The following CAMTA1 variants were observed in gnomAD, a reference collection of about 807,000 sequenced individuals.
CAMTA1 encodes the protein calmodulin-binding transcription activator 1.
A neutral mutation model predicts 170.9 loss-of-function variants in CAMTA1; 27 were observed. That is an observed-to-expected ratio of 0.16 (90% confidence interval 0.12 to 0.22). CAMTA1 has a LOEUF of 0.22. Ranked by LOEUF, CAMTA1 falls within the 10% of genes least tolerant of loss-of-function variation. CAMTA1 has a pLI of 1.00. For synonymous variants in CAMTA1, 833 were observed against 891.5 expected (o/e 0.93, Z 1.17); for missense variants, 1,619 against 2,217.2 (o/e 0.73, Z 5.42).
intron 10 of CAMTA1, among the ~76,000 whole-genome samples, chr1:7,676,111 G>A (rs1057354007): frequency 6.6e-6 from 1 of 152,234 alleles, no homozygotes; most frequent in African/African-American, 2.4e-5. Context: ...TCCGATGGGT[G>A]TAGGTGCTGG....
chr1:7,516,986 A>G (rs1202667168), intron 6 of CAMTA1, among the ~76,000 whole-genome samples: 4 of 152,168 alleles, frequency 2.6e-5, no homozygotes, highest in Admixed American at 6.5e-5. Flanking sequence ...GTGAAATCCC[A>G]CCTTCCAAAG....
chr1:7,495,184 G>T (rs893588585), intron 6 of CAMTA1, among the ~76,000 whole-genome samples: 4 of 152,162 alleles, frequency 2.6e-5, no homozygotes, highest in Non-Finnish European at 5.9e-5. Flanking sequence ...TCTCCAACCA[G>T]ACAGCAAGCC....
At chr1:7,037,615 G>A (rs533372035) in intron 3 of CAMTA1, among the ~76,000 whole-genome samples, 8 of 152,250 alleles carry the variant, frequency 5.3e-5, no homozygotes, top group African/African-American at 1.7e-4. Flanking sequence ...CGAGGCAGGC[G>A]GATCATGAGG....
intron 11 of CAMTA1, among the ~76,000 whole-genome samples, chr1:7,684,885 C>T (rs2149346104): frequency 6.6e-6 from 1 of 152,252 alleles, no homozygotes; most frequent in East Asian, 1.9e-4. Context: ...GCAAAACTGA[C>T]CCCCAGAAAA....
chr1:7,679,163 T>A (rs1458720038), intron 11 of CAMTA1, among the ~76,000 whole-genome samples: 1 of 152,122 alleles, frequency 6.6e-6, no homozygotes, highest in Non-Finnish European at 1.5e-5. Flanking sequence ...AAGGGCAGGG[T>A]GACCAGGGGC....
Position 7,582,369 on chromosome 1 carries a change from C to G in CAMTA1, c.511-58031C>G, listed in dbSNP as rs114222243. Among the ~76,000 whole-genome samples, 9 of 152,316 alleles carry G rather than the reference C, an allele frequency of 5.9e-5. No homozygotes were observed. In the East Asian group the frequency reaches 9.7e-4, roughly 16 times the overall value. On this transcript the variant is annotated intron_variant, in intron 6 of 22. Transcript: ENST00000303635. ...CCTCAGTGCCCTGATTCACCCACCC[C>G]CTACCCTGCATCCTTGGGTGTGTCC...
At chr1:6,933,133 G>C (rs531473636) in intron 3 of CAMTA1, among the ~76,000 whole-genome samples, 4 of 151,708 alleles carry the variant, frequency 2.6e-5, no homozygotes, top group Non-Finnish European at 4.4e-5. Context: ...TGCAGTAGCT[G>C]TTCACAGCCT....
At chr1:7,018,661 C>T (rs141663213) in intron 3 of CAMTA1, among the ~76,000 whole-genome samples, 43 of 152,290 alleles carry the variant, frequency 2.8e-4, no homozygotes, top group Non-Finnish European at 4.6e-4. Context: ...AAGGTGTTCT[C>T]GATAACCGGA....
intron 6 of CAMTA1, among the ~76,000 whole-genome samples, chr1:7,558,190 G>A (rs897104894): frequency 2.0e-5 from 3 of 152,192 alleles, no homozygotes; most frequent in African/African-American, 7.2e-5. Flanking sequence ...GTCCAGCTCC[G>A]CCTCGGGGCC....
intron 6 of CAMTA1, among the ~76,000 whole-genome samples, chr1:7,628,067 GGCT>G (rs1465289287): frequency 6.6e-6 from 1 of 152,170 alleles, no homozygotes; most frequent in Non-Finnish European, 1.5e-5. Flanking sequence ...GAGATTTGGG[GGCT>G]GGAGTTGCTG....
At chr1:7,714,710 C>T (rs1208386030) in intron 11 of CAMTA1, among the ~76,000 whole-genome samples, 3 of 152,042 alleles carry the variant, frequency 2.0e-5, no homozygotes, top group East Asian at 3.9e-4. Flanking sequence ...TTAGCAGAGA[C>T]GGAGTTTCAC....
chr1:7,584,985 T>C (rs1000943959), intron 6 of CAMTA1, among the ~76,000 whole-genome samples: 2 of 152,178 alleles, frequency 1.3e-5, no homozygotes, highest in African/African-American at 2.4e-5. Flanking sequence ...CAGAATATGG[T>C]ACATAGACCA....
chr1:7,661,928 C>A, intron 8 of CAMTA1, 62 bp downstream of exon 8: 1 of 1,533,188 alleles, frequency 6.5e-7, no homozygotes, highest in African/African-American at 1.4e-5. Flanking sequence ...ACCAGGCAGC[C>A]GTCATGGCTG....
At chr1:6,976,333 C>T (rs1380204533) in intron 3 of CAMTA1, among the ~76,000 whole-genome samples, 1 of 152,144 alleles carries the variant, frequency 6.6e-6, no homozygotes, top group Non-Finnish European at 1.5e-5. Context: ...ACGGATCTGG[C>T]ACTTCTGGCC....
chr1:7,747,486 T>C (rs1170566904), intron 18 of CAMTA1, among the ~76,000 whole-genome samples: 1 of 152,252 alleles, frequency 6.6e-6, no homozygotes, highest in Non-Finnish European at 1.5e-5. Context: ...AATATATTTT[T>C]AGTCTGCTTA....
chr1:7,546,721 T>C (rs1557892993), intron 6 of CAMTA1, among the ~76,000 whole-genome samples: 1 of 152,218 alleles, frequency 6.6e-6, no homozygotes, highest in Non-Finnish European at 1.5e-5. Flanking sequence ...TGGTATCTCA[T>C]TGTGGTTTTG....
intron 5 of CAMTA1, among the ~76,000 whole-genome samples, chr1:7,343,607 C>G (rs1245629077): frequency 1.3e-5 from 2 of 152,186 alleles, no homozygotes; most frequent in Non-Finnish European, 2.9e-5. Flanking sequence ...TACCAATTAA[C>G]TGTGTCTGCC....
chr1:7,643,565 T>G (rs1356216412), intron 7 of CAMTA1, among the ~76,000 whole-genome samples: 1 of 152,224 alleles, frequency 6.6e-6, no homozygotes, highest in Non-Finnish European at 1.5e-5. Flanking sequence ...TGGGAGGAAT[T>G]AGGCTTTATG....
At chr1:7,513,649 G>T (rs566343341) in intron 6 of CAMTA1, among the ~76,000 whole-genome samples, 2 of 152,156 alleles carry the variant, frequency 1.3e-5, no homozygotes, top group East Asian at 3.9e-4. Flanking sequence ...CAGGCTGGGC[G>T]TGGTGGCTCA....
Sources: gnomAD v4.1 joint callset for allele counts (sites outside exome capture counted in the v4.1 genomes callset) on GRCh38, gnomAD v4.1.1 for gene constraint, MANE v1.5 for transcripts, NCBI Gene and HGNC (gene_info 2026-07-23, HGNC 2026-07-21) for gene names.